Variants in ANKS1B observed in about 807,000 individuals in gnomAD.
ANKS1B encodes the protein ankyrin repeat and sterile alpha motif domain-containing protein 1B.
In ANKS1B, 36 loss-of-function variants were observed where a neutral mutation model predicts 148.3. That is an observed-to-expected ratio of 0.24 (90% CI 0.19 to 0.32). ANKS1B has a LOEUF of 0.32. Ranked by LOEUF, ANKS1B falls within the 10% of genes least tolerant of loss-of-function variation. The pLI is 1.00. For synonymous variants in ANKS1B, 542 were observed against 560.8 expected (o/e 0.97, Z 0.47); for missense variants, 1,157 against 1,542.6 (o/e 0.75, Z 4.19).
chr12:99,463,744 G>A (rs1037184605), intron 10 of ANKS1B, among the ~76,000 whole-genome samples: 6 of 152,160 alleles, frequency 3.9e-5, no homozygotes, highest in Admixed American at 6.5e-5. Context: ...GGGGAGGGGC[G>A]CCCGCCATTG....
intron 22 of ANKS1B, 110 bp from the exon 23 acceptor site, chr12:98,782,247 A>G (rs2098744378): frequency 9.6e-6 from 9 of 936,570 alleles, no homozygotes; most frequent in Non-Finnish European, 1.5e-5. Flanking sequence ...TAAATTCATT[A>G]AAAAACAAAA....
chr12:99,259,892 G>C (rs1172056789), intron 12 of ANKS1B, among the ~76,000 whole-genome samples: 1 of 152,234 alleles, frequency 6.6e-6, no homozygotes, highest in Non-Finnish European at 1.5e-5. Flanking sequence ...TTCAAAGAGA[G>C]TTCTGTGCTA....
intron 19 of ANKS1B, among the ~76,000 whole-genome samples, chr12:98,814,891 A>T (rs2099126933): frequency 6.6e-6 from 1 of 151,908 alleles, no homozygotes; most frequent in East Asian, 1.9e-4. Context: ...TTCAGTTCAG[A>T]CCTCTCTCTT....
chr12:99,724,661 C>T (rs12298041), intron 8 of ANKS1B, among the ~76,000 whole-genome samples: 13 of 152,012 alleles, frequency 8.6e-5, no homozygotes, highest in African/African-American at 2.9e-4. Flanking sequence ...GTGAACACCA[C>T]TAAGATACTC....
chr12:99,663,656 T>C (rs983401437), intron 8 of ANKS1B, among the ~76,000 whole-genome samples: 1 of 152,122 alleles, frequency 6.6e-6, no homozygotes, highest in African/African-American at 2.4e-5. Context: ...TCTCCTAGTA[T>C]CTGCACTCTG....
intron 8 of ANKS1B, among the ~76,000 whole-genome samples, chr12:99,724,383 A>G (rs192292374): frequency 6.6e-6 from 1 of 152,364 alleles, no homozygotes; most frequent in African/African-American, 2.4e-5. Context: ...AGCCGAATCA[A>G]CCAAGAGGAA....
At chr12:99,863,866 T>C (rs892841045) in intron 1 of ANKS1B, among the ~76,000 whole-genome samples, 5 of 151,572 alleles carry the variant, frequency 3.3e-5, no homozygotes, top group Admixed American at 1.3e-4. Context: ...GGTCAGGAGA[T>C]AGAAACTATC....
intron 9 of ANKS1B, among the ~76,000 whole-genome samples, chr12:99,617,023 C>A (rs959069645): frequency 1.6e-4 from 25 of 151,938 alleles, no homozygotes; most frequent in Non-Finnish European, 2.9e-4. Context: ...TTTATGTGGC[C>A]AAAAAACACA....
At chr12:99,281,746 C>T (rs575002854) in intron 12 of ANKS1B, among the ~76,000 whole-genome samples, 2 of 152,226 alleles carry the variant, frequency 1.3e-5, no homozygotes, top group African/African-American at 4.8e-5. Flanking sequence ...GAATTGTATA[C>T]TAGGAGGAAC....
intron 15 of ANKS1B, among the ~76,000 whole-genome samples, chr12:99,088,909 G>A (rs1052185079): frequency 4.6e-5 from 6 of 129,256 alleles, no homozygotes; most frequent in African/African-American, 1.7e-4. Context: ...GCAATGGCAC[G>A]ATCCTGGCTC....
At chr12:99,854,059 G>A (rs2088527139) in intron 1 of ANKS1B, among the ~76,000 whole-genome samples, 1 of 152,180 alleles carries the variant, frequency 6.6e-6, no homozygotes, top group South Asian at 2.1e-4. Flanking sequence ...CGCCCAGGAT[G>A]GTGTGCAGTG....
At position 99,956,296 on chromosome 12, in the gene ANKS1B, C is replaced by T. The variant is rs534115483; in HGVS notation, c.134+27808G>A. ...CTGTCTCAAAAAAAAAAAAAAAAAG[C>T]GCATGGATAAATAAATGAGCAAATG... On this transcript the variant is annotated intron_variant, in intron 1 of 26. Transcript: ENST00000683438. Among the ~76,000 whole-genome samples, 30 of 145,638 alleles carry T rather than the reference C, an allele frequency of 2.1e-4. 1 individual carries two copies. In the East Asian group the frequency reaches 4.3e-3, roughly 21 times the overall value.
At chr12:99,367,908 T>C (rs1039096771) in intron 12 of ANKS1B, among the ~76,000 whole-genome samples, 1 of 152,162 alleles carries the variant, frequency 6.6e-6, no homozygotes, top group Non-Finnish European at 1.5e-5. Context: ...CACCTTTTTA[T>C]ATAATTTTGA....
intron 10 of ANKS1B, among the ~76,000 whole-genome samples, chr12:99,472,363 C>G (rs1029981166): frequency 6.6e-5 from 10 of 152,244 alleles, no homozygotes; most frequent in African/African-American, 2.2e-4. Flanking sequence ...TTAGGTATCC[C>G]TCTGTCTCCC....
At chr12:99,119,733 G>C (rs1284493582) in intron 15 of ANKS1B, among the ~76,000 whole-genome samples, 1 of 152,128 alleles carries the variant, frequency 6.6e-6, no homozygotes, top group African/African-American at 2.4e-5. Flanking sequence ...TGACTTGAAT[G>C]CTTTGCTTTT....
In ANKS1B at chr12:99,407,214, A is replaced by G. The variant is rs963840116; in HGVS notation, c.1576-7403T>C. On this transcript the variant is annotated intron_variant, in intron 11 of 26. Coordinates refer to ENST00000683438, the MANE Select transcript of ANKS1B (RefSeq NM_001352186.2). ...GGGAATTTATCCCAGGGATGCAAGG[A>G]TGGTTCAACTTATGTAAATCAATCA... is the stretch of plus-strand genomic sequence containing the variant. 2.7e-5 allele frequency among the ~76,000 whole-genome samples: 4 copies of G among 146,170 alleles called. 2 individuals carry two copies. Among genetic ancestry groups the G allele is most frequent in the Admixed American group, 1.4e-4 (2 of 14,722 alleles).
intron 16 of ANKS1B, among the ~76,000 whole-genome samples, chr12:99,077,202 G>A (rs936036216): frequency 3.3e-5 from 5 of 152,088 alleles, no homozygotes; most frequent in East Asian, 3.8e-4. Flanking sequence ...ACTGGGTCCC[G>A]TCATGTATTT....
At chr12:98,773,231 AT>A (rs781489085) in intron 24 of ANKS1B, 52 bp from the exon 25 acceptor site, 25 of 1,541,904 alleles carry the variant, frequency 1.6e-5, no homozygotes, top group Non-Finnish European at 2.2e-5. Context: ...ACCAGCATAT[AT>A]GACAACCAAG....
chr12:99,626,477 T>G (rs2098113732), intron 9 of ANKS1B, among the ~76,000 whole-genome samples: 1 of 152,134 alleles, frequency 6.6e-6, no homozygotes, highest in South Asian at 2.1e-4. Flanking sequence ...GCAGCCCACA[T>G]CCTTTCACTT....
Sources: gnomAD v4.1 joint callset for allele counts (sites outside exome capture counted in the v4.1 genomes callset) on GRCh38, gnomAD v4.1.1 for gene constraint, MANE v1.5 for transcripts, NCBI Gene and HGNC (gene_info 2026-07-23, HGNC 2026-07-21) for gene names.